The following IL1RAPL1 variants were observed in gnomAD, a reference collection of about 807,000 sequenced individuals.
The protein encoded by IL1RAPL1 is interleukin-1 receptor accessory protein-like 1.
A neutral mutation model predicts 48.4 loss-of-function variants in IL1RAPL1; 3 were observed. That is an observed-to-expected ratio of 0.06 (90% CI 0.03 to 0.16). The LOEUF is 0.16. Ranked by LOEUF, IL1RAPL1 falls within the 10% of genes least tolerant of loss-of-function variation. IL1RAPL1 has a pLI of 1.00. For synonymous variants in IL1RAPL1, 185 were observed against 187.7 expected, an observed-to-expected ratio of 0.99 and a Z score of 0.12; for missense variants, 349 against 530.6, an observed-to-expected ratio of 0.66 and a Z score of 3.36.
At chrX:28,776,768 T>C (rs1042812419) in intron 1 of IL1RAPL1, among the ~76,000 whole-genome samples, 1 of 111,694 alleles carries the variant, frequency 9.0e-6, no homozygotes, top group Non-Finnish European at 1.9e-5. Flanking sequence ...TAAGGATTAA[T>C]AAGATAGTAC....
intron 2 of IL1RAPL1, among the ~76,000 whole-genome samples, chrX:28,830,927 A>G (rs1306565851): frequency 9.4e-6 from 1 of 105,933 alleles, no homozygotes; most frequent in Non-Finnish European, 1.9e-5. Flanking sequence ...TTCATTGCTC[A>G]GGTAATGATT....
At chrX:29,280,717 T>C (rs1045850834) in intron 2 of IL1RAPL1, among the ~76,000 whole-genome samples, 1 of 111,881 alleles carries the variant, frequency 8.9e-6, no homozygotes, top group Non-Finnish European at 1.9e-5. Context: ...GGGTTTACAT[T>C]CAACCGGGGA....
intron 3 of IL1RAPL1, among the ~76,000 whole-genome samples, chrX:29,285,130 AATG>A (rs1377557566): frequency 2.7e-5 from 3 of 111,777 alleles, no homozygotes; most frequent in African/African-American, 9.8e-5. Flanking sequence ...ATGGAAAAAT[AATG>A]ATGTGTTCAC....
At chrX:29,137,114 A>G (rs1929144849) in intron 2 of IL1RAPL1, among the ~76,000 whole-genome samples, 1 of 64,039 alleles carries the variant, frequency 1.6e-5, no homozygotes, top group South Asian at 5.4e-4. Context: ...TAGACGGCTT[A>G]CTGCTTACCT....
chrX:29,273,673 T>G (rs1031067683), intron 2 of IL1RAPL1, among the ~76,000 whole-genome samples: 2 of 111,386 alleles, frequency 1.8e-5, no homozygotes, highest in African/African-American at 6.5e-5. Context: ...GGGGCACCAG[T>G]GGGGGCAGGG....
chrX:29,914,288 A>G (rs1932781185), intron 6 of IL1RAPL1, among the ~76,000 whole-genome samples: 2 of 112,382 alleles, frequency 1.8e-5, no homozygotes, highest in African/African-American at 6.5e-5. Context: ...TATGAAAAAT[A>G]AAAGTGAATA....
chrX:29,091,607 A>T (rs1482319290), intron 2 of IL1RAPL1, among the ~76,000 whole-genome samples: 2 of 111,675 alleles, frequency 1.8e-5, no homozygotes, highest in African/African-American at 6.5e-5. Context: ...GATACGTCCT[A>T]TAAGAGTCAG....
intron 3 of IL1RAPL1, among the ~76,000 whole-genome samples, chrX:29,335,103 G>A (rs867856697): frequency 2.7e-5 from 3 of 109,959 alleles, no homozygotes; most frequent in Non-Finnish European, 5.7e-5. Flanking sequence ...GCAAAACCCC[G>A]TCTCCACCAA....
intron 5 of IL1RAPL1, among the ~76,000 whole-genome samples, chrX:29,637,560 A>AT (rs900995005): frequency 1.8e-5 from 2 of 110,950 alleles, no homozygotes; most frequent in Non-Finnish European, 3.8e-5. Flanking sequence ...TTGTATAGTG[A>AT]TTTTTTTTCT....
chrX:29,533,043 G>A (rs1053772734), intron 5 of IL1RAPL1, among the ~76,000 whole-genome samples: 24 of 111,936 alleles, frequency 2.1e-4, no homozygotes, highest in African/African-American at 7.5e-4. Flanking sequence ...TAAAAACCTG[G>A]CAGAACTTGT....
Position 29,917,455 on chromosome X carries a change from T to C in IL1RAPL1, c.779-9T>C, listed in dbSNP as rs1442720519. ...TTTTATAACACTTTTCCATCACTTC[T>C]CTCTGCAGGTGACTCTGCTAATCTA... is the stretch of plus-strand genomic sequence containing the variant. On this transcript the variant is annotated splice_polypyrimidine_tract_variant and intron_variant, in intron 6 of 10. Coordinates refer to ENST00000378993, the MANE Select transcript of IL1RAPL1 (RefSeq NM_014271.4). 4.1e-6 allele frequency: 5 copies of C among 1,206,165 alleles called. No homozygotes were observed. The Admixed American group carries it at 1.1e-4, about 26-fold the overall frequency.
intron 2 of IL1RAPL1, among the ~76,000 whole-genome samples, chrX:29,061,330 A>G (rs1241642735): frequency 8.9e-6 from 1 of 112,119 alleles, no homozygotes; most frequent in Non-Finnish European, 1.9e-5. Flanking sequence ...GAACAGATGC[A>G]GGGTGTGATA....
chrX:29,173,423 G>T (rs1018884283), intron 2 of IL1RAPL1, among the ~76,000 whole-genome samples: 1 of 111,897 alleles, frequency 8.9e-6, no homozygotes, highest in Non-Finnish European at 1.9e-5. Flanking sequence ...TGAATAGATA[G>T]CTACTCTATG....
intron 2 of IL1RAPL1, among the ~76,000 whole-genome samples, chrX:28,944,485 T>G (rs2147350889): frequency 9.0e-6 from 1 of 111,194 alleles, no homozygotes; most frequent in South Asian, 3.7e-4. Context: ...GTGTATTATG[T>G]GTTTAGATTA....
At chrX:29,796,383 T>A (rs770492644) in intron 6 of IL1RAPL1, among the ~76,000 whole-genome samples, 1 of 112,155 alleles carries the variant, frequency 8.9e-6, no homozygotes, top group South Asian at 3.7e-4. Context: ...CAGCAGACAA[T>A]TCAACCACAA....
At chrX:29,478,059 GAAAGA>G (rs1156972040) in intron 5 of IL1RAPL1, among the ~76,000 whole-genome samples, 2 of 111,219 alleles carry the variant, frequency 1.8e-5, no homozygotes, top group Non-Finnish European at 3.8e-5. Context: ...AAATAAAACA[GAAAGA>G]AAAGAGAGCA....
chrX:29,312,845 A>G (rs1226037845), intron 3 of IL1RAPL1, among the ~76,000 whole-genome samples: 1 of 110,819 alleles, frequency 9.0e-6, no homozygotes, highest in East Asian at 2.8e-4. Context: ...GTGGTAGTGA[A>G]TAAGTCTCAC....
intron 1 of IL1RAPL1, among the ~76,000 whole-genome samples, chrX:28,721,513 G>A (rs1310606728): frequency 9.0e-6 from 1 of 111,436 alleles, no homozygotes; most frequent in African/African-American, 3.3e-5. Context: ...CAGATGAGTA[G>A]ATTGCAAAAA....
chrX:28,747,690 C>A (rs1192325317), intron 1 of IL1RAPL1, among the ~76,000 whole-genome samples: 1 of 111,972 alleles, frequency 8.9e-6, no homozygotes, highest in Non-Finnish European at 1.9e-5. Context: ...ATATAATATT[C>A]TTTGTGTAAT....
Sources: allele counts gnomAD v4.1 joint callset (sites outside exome capture counted in the v4.1 genomes callset), GRCh38; gene constraint gnomAD v4.1.1; transcripts MANE v1.5; gene names NCBI Gene and HGNC (gene_info 2026-07-23, HGNC 2026-07-21).